Variants in SUPT3H observed in about 807,000 individuals in gnomAD.
The protein encoded by SUPT3H is transcription initiation protein SPT3 homolog.
In SUPT3H, 44 loss-of-function variants were observed where a neutral mutation model predicts 44.3. That is an observed-to-expected ratio of 0.99 (90% CI 0.78 to 1.28). SUPT3H has a LOEUF of 1.28. Among genes scored for constraint, SUPT3H ranks in the 50% most tolerant of loss-of-function variants. The probability of loss-of-function intolerance (pLI) is 0.00; values close to 1 mark genes in which losing one functional copy is unlikely to be tolerated. For missense variants in SUPT3H, 380 were observed against 387.1 expected, an observed-to-expected ratio of 0.98 and a Z score of 0.15; for synonymous variants, 124 against 125.6, an observed-to-expected ratio of 0.99 and a Z score of 0.09.
intron 2 of SUPT3H, among the ~76,000 whole-genome samples, chr6:45,286,919 A>G (rs1291996162): frequency 1.3e-5 from 2 of 152,218 alleles, no homozygotes; most frequent in Admixed American, 6.5e-5. Context: ...GCCCTAAAAA[A>G]TGATGAGTTC....
intron 9 of SUPT3H, among the ~76,000 whole-genome samples, chr6:44,935,106 A>G (rs1269114994): frequency 2.0e-5 from 3 of 151,850 alleles, no homozygotes; most frequent in Non-Finnish European, 4.4e-5. Flanking sequence ...GCACTTTTAT[A>G]CTTTCTTGAT....
chr6:44,970,532 T>G (rs1278364068), intron 6 of SUPT3H, among the ~76,000 whole-genome samples: 1 of 152,050 alleles, frequency 6.6e-6, no homozygotes, highest in African/African-American at 2.4e-5. Flanking sequence ...AATAGAACAC[T>G]GACTTTGACT....
At chr6:44,872,522 C>T (rs768247575) in intron 10 of SUPT3H, among the ~76,000 whole-genome samples, 5,630 of 152,040 alleles carry the variant, frequency 0.037, 144 homozygotes, top group Middle Eastern at 0.061. Flanking sequence ...AAGGAACAAC[C>T]GGTACCAGCC....
At chr6:45,014,345 T>C (rs1040379887) in intron 5 of SUPT3H, among the ~76,000 whole-genome samples, 4 of 152,066 alleles carry the variant, frequency 2.6e-5, no homozygotes, top group Non-Finnish European at 5.9e-5. Context: ...TATCATTCAT[T>C]TAGTGGCAGG....
At chr6:45,177,476 C>G (rs1242658203) in intron 2 of SUPT3H, among the ~76,000 whole-genome samples, 1 of 152,112 alleles carries the variant, frequency 6.6e-6, no homozygotes, top group Non-Finnish European at 1.5e-5. Flanking sequence ...GAGAATGGAA[C>G]CAAGTTGGAA....
chr6:44,932,882 C>G, intron 9 of SUPT3H, 119 bp from the exon 10 acceptor site: 1 of 544,874 alleles, frequency 1.8e-6, no homozygotes, highest in Non-Finnish European at 3.1e-6. Flanking sequence ...GGATGCACAT[C>G]ACTACTGCCA....
rs756342353 is a variant in SUPT3H, at chr6:44,954,617, TA to T, written c.581-11del. 9.6e-6 allele frequency: 15 copies of T among 1,567,938 alleles called. No individual in the cohort carries two copies. Among genetic ancestry groups the T allele is most frequent in the African/African-American group, 1.4e-5 (1 of 73,610 alleles). ...TTGGAAGCTTTTTTGGCTGGCCATT[TA>T]AAAAAAACAAGTGCAGAAATTTTAA... On this transcript the variant is annotated splice_polypyrimidine_tract_variant and intron_variant, in intron 7 of 10. Transcript: ENST00000371459.
At chr6:45,212,189 T>C (rs1007078087) in intron 2 of SUPT3H, among the ~76,000 whole-genome samples, 3 of 152,004 alleles carry the variant, frequency 2.0e-5, no homozygotes, top group Non-Finnish European at 4.4e-5. Context: ...AAAAAGGAAA[T>C]TTTTCTAGCA....
intron 2 of SUPT3H, among the ~76,000 whole-genome samples, chr6:45,192,311 CT>C (rs1161514013): frequency 6.6e-6 from 1 of 152,022 alleles, no homozygotes; most frequent in Non-Finnish European, 1.5e-5. Flanking sequence ...AATACAATGT[CT>C]TCTGTTTATA....
At chr6:44,936,315 T>C (rs1274131931) in intron 9 of SUPT3H, among the ~76,000 whole-genome samples, 1 of 152,230 alleles carries the variant, frequency 6.6e-6, no homozygotes, top group East Asian at 1.9e-4. Context: ...TAAAATGTAG[T>C]TCTTATATAA....
chr6:44,921,774 C>T (rs1768767401), intron 10 of SUPT3H, among the ~76,000 whole-genome samples: 1 of 152,186 alleles, frequency 6.6e-6, no homozygotes, highest in South Asian at 2.1e-4. Flanking sequence ...ACTGTAAAAT[C>T]TACACAAGTG....
chr6:44,885,469 G>C (rs972088657), intron 10 of SUPT3H, among the ~76,000 whole-genome samples: 2 of 152,178 alleles, frequency 1.3e-5, no homozygotes, highest in African/African-American at 4.8e-5. Context: ...AAAATCCGCT[G>C]TTCTGCAGCC....
chr6:44,897,990 C>A (rs1184673562), intron 10 of SUPT3H, among the ~76,000 whole-genome samples: 1 of 152,096 alleles, frequency 6.6e-6, no homozygotes, highest in Non-Finnish European at 1.5e-5. Flanking sequence ...ACCATTCCAT[C>A]CAAAAAAACT....
intron 10 of SUPT3H, among the ~76,000 whole-genome samples, chr6:44,925,940 A>C (rs946986518): frequency 1.3e-5 from 2 of 152,196 alleles, no homozygotes; most frequent in African/African-American, 4.8e-5. Flanking sequence ...CAATTCATTT[A>C]AACCTTTGTT....
intron 2 of SUPT3H, among the ~76,000 whole-genome samples, chr6:45,338,717 A>G (rs768448539): frequency 7.2e-5 from 11 of 152,092 alleles, no homozygotes; most frequent in Non-Finnish European, 1.3e-4. Context: ...TTTGTCATCA[A>G]TTTTTTTATA....
chr6:44,903,639 C>G (rs1489243117), intron 10 of SUPT3H, among the ~76,000 whole-genome samples: 1 of 152,178 alleles, frequency 6.6e-6, no homozygotes, highest in Non-Finnish European at 1.5e-5. Context: ...TGAAAGTATT[C>G]CAATCAACAG....
intron 2 of SUPT3H, among the ~76,000 whole-genome samples, chr6:45,184,945 C>T (rs1184983569): frequency 6.6e-6 from 1 of 152,166 alleles, no homozygotes; most frequent in South Asian, 2.1e-4. Context: ...CCAAATGGTA[C>T]ATTAAATTTC....
chr6:45,179,961 GA>G, intron 2 of SUPT3H, among the ~76,000 whole-genome samples: 1 of 152,242 alleles, frequency 6.6e-6, no homozygotes, highest in South Asian at 2.1e-4. Flanking sequence ...TGTATATCTA[GA>G]AAACCCCACT....
rs557041737 is a variant in SUPT3H, at chr6:45,344,976, A to G, written c.101+20225T>C. On this transcript the variant is annotated intron_variant, in intron 2 of 10. Transcript: ENST00000371459. ...AGCCAAGCTTCATTCTGGTGAGTTT[A>G]GAAATCTGTTTCACCTAGCTGAATC... Among the ~76,000 whole-genome samples the G allele has an allele frequency of 2.0e-4, 31 of 152,314 alleles. No homozygotes were observed. The South Asian group carries it at 5.6e-3, about 27-fold the overall frequency.
Sources: gnomAD v4.1 joint callset for allele counts (sites outside exome capture counted in the v4.1 genomes callset) on GRCh38, gnomAD v4.1.1 for gene constraint, MANE v1.5 for transcripts, NCBI Gene and HGNC (gene_info 2026-07-23, HGNC 2026-07-21) for gene names.